NAV3: variants seen among roughly 807,000 people sequenced by gnomAD.
The protein encoded by NAV3 is neuron navigator 3.
Under a neutral mutation model 244.7 loss-of-function variants are expected in NAV3, and 87 were observed. That is an observed-to-expected ratio of 0.36 (90% CI 0.30 to 0.42). The LOEUF is 0.42. Among genes scored for constraint, NAV3 ranks in the 20% least tolerant of loss-of-function variants. The probability of loss-of-function intolerance (pLI) is 1.00; values close to 1 mark genes in which losing one functional copy is unlikely to be tolerated. For synonymous variants in NAV3, 1,126 were observed against 1,042.2 expected (o/e 1.08, Z -1.55); for missense variants, 2,663 against 2,893.3 (o/e 0.92, Z 1.83).
intron 1 of NAV3, among the ~76,000 whole-genome samples, chr12:77,850,386 G>A (rs1441983663): frequency 6.6e-6 from 1 of 152,162 alleles, no homozygotes; most frequent in Admixed American, 6.5e-5. Context: ...TTGCAGTATA[G>A]TAAATCAGCC....
intron 1 of NAV3, among the ~76,000 whole-genome samples, chr12:77,860,326 TTG>T (rs1160760684): frequency 6.7e-6 from 1 of 150,346 alleles, no homozygotes; most frequent in Non-Finnish European, 1.5e-5. Flanking sequence ...CATTTTATGT[TTG>T]TATTTTATTT....
chr12:78,075,564 C>A (rs778749875), intron 12 of NAV3, among the ~76,000 whole-genome samples: 6 of 152,040 alleles, frequency 3.9e-5, no homozygotes, highest in Non-Finnish European at 7.3e-5. Flanking sequence ...GTTATGGAGT[C>A]TTACATCCAA....
At chr12:77,820,140 A>G (rs1443559092) in intron 2 of NAV3, among the ~76,000 whole-genome samples, 1 of 152,108 alleles carries the variant, frequency 6.6e-6, no homozygotes, top group Non-Finnish European at 1.5e-5. Context: ...AGAAGCAGAT[A>G]AAAAAGGAAA....
At chr12:77,996,568 T>C (rs1872378174) in intron 6 of NAV3, among the ~76,000 whole-genome samples, 1 of 152,180 alleles carries the variant, frequency 6.6e-6, no homozygotes, top group Non-Finnish European at 1.5e-5. Flanking sequence ...TTGTTTTTTT[T>C]CCTGATATTC....
In NAV3 at chr12:77,755,647, TTCCTTCCTTCCA is replaced by T. The variant is rs1301383858; in HGVS notation, c.72+183382_72+183393del. 5.5e-4 allele frequency among the ~76,000 whole-genome samples: 74 copies of T among 133,940 alleles called. 20 individuals carry two copies. Among genetic ancestry groups the T allele is most frequent in the African/African-American group, 1.8e-3 (60 of 33,750 alleles). 87.9% of individuals were successfully genotyped at this position (133,940 alleles called of 152,430 possible). A position where few individuals can be genotyped will look rare whatever the true frequency, so the allele number is the denominator to read the frequency against. On this transcript the variant is annotated intron_variant, in intron 2 of 8. Coordinates refer to the NAV3 transcript ENST00000550042. Reference sequence around the variant, plus strand: ...CTTCCTTCCTTCCTTCCTTCCTTCCTTCCTTCCTTCCACTCTCTCTCTTTCTTTCTCTCTTTC... The same window carrying T: ...CTTCCTTCCTTCCTTCCTTCCTTCCTCTCTCTCTCTTTCTTTCTCTCTTTC...
intron 2 of NAV3, among the ~76,000 whole-genome samples, chr12:77,663,522 CTT>C (rs4017472): frequency 1.4e-4 from 20 of 139,284 alleles, no homozygotes; most frequent in Middle Eastern, 3.7e-3. Context: ...TCTTCTTCTT[CTT>C]TTTTTTTTTT....
chr12:77,883,717 T>C (rs1180062937), intron 1 of NAV3, among the ~76,000 whole-genome samples: 1 of 152,194 alleles, frequency 6.6e-6, no homozygotes, highest in Non-Finnish European at 1.5e-5. Context: ...AGTTATTTCA[T>C]GATAAAGAGA....
At chr12:77,984,229 A>G (rs1438974716) in intron 5 of NAV3, among the ~76,000 whole-genome samples, 2 of 152,198 alleles carry the variant, frequency 1.3e-5, no homozygotes. Flanking sequence ...GATTTCAAGG[A>G]ATCACAGTCC....
chr12:78,103,126 T>C (rs1566134931), intron 12 of NAV3, among the ~76,000 whole-genome samples: 5 of 152,208 alleles, frequency 3.3e-5, no homozygotes. Flanking sequence ...TGAACTTTTA[T>C]GCTGTTTCCC....
chr12:78,124,007 T>C (rs1373006611), intron 16 of NAV3, among the ~76,000 whole-genome samples: 3 of 152,230 alleles, frequency 2.0e-5, no homozygotes, highest in African/African-American at 4.8e-5. Context: ...GATTGTATGC[T>C]CATATGTAAG....
At chr12:77,994,696 G>A (rs147137918) in intron 5 of NAV3, 107 bp from the exon 6 acceptor site, 14 of 783,836 alleles carry the variant, frequency 1.8e-5, no homozygotes, top group African/African-American at 1.4e-4. Context: ...ATGTTTATAC[G>A]TGTTCCAATT....
chr12:77,614,386 A>G (rs1478926217), intron 2 of NAV3, among the ~76,000 whole-genome samples: 1 of 151,988 alleles, frequency 6.6e-6, no homozygotes, highest in Non-Finnish European at 1.5e-5. Context: ...TCACCCTTTC[A>G]ATGTGGATGT....
At chr12:77,803,084 G>A (rs10777453) in intron 2 of NAV3, among the ~76,000 whole-genome samples, 99,010 of 152,072 alleles carry the variant, frequency 0.65, 32,357 homozygotes, top group Middle Eastern at 0.72. Flanking sequence ...CCCCTTTGCT[G>A]TATTTTTAAC....
intron 24 of NAV3, among the ~76,000 whole-genome samples, chr12:78,173,859 T>C (rs910640627): frequency 1.7e-4 from 26 of 151,568 alleles, no homozygotes; most frequent in African/African-American, 6.3e-4. Context: ...GATACACATA[T>C]ACACACACAC....
At chr12:77,840,057 A>G (rs1875366398) in intron 1 of NAV3, among the ~76,000 whole-genome samples, 1 of 152,206 alleles carries the variant, frequency 6.6e-6, no homozygotes, top group Non-Finnish European at 1.5e-5. Context: ...TGGGGGATAG[A>G]GTAAGAATCT....
chr12:77,639,603 C>T (rs1324206581), intron 2 of NAV3, among the ~76,000 whole-genome samples: 1 of 152,112 alleles, frequency 6.6e-6, no homozygotes, highest in Non-Finnish European at 1.5e-5. Context: ...AATTAAGGTA[C>T]ACACATTTAT....
intron 1 of NAV3, among the ~76,000 whole-genome samples, chr12:77,892,457 C>T (rs563380365): frequency 5.9e-5 from 9 of 151,944 alleles, no homozygotes; most frequent in African/African-American, 1.2e-4. Context: ...GCTCTGTCAC[C>T]CATACTGGAG....
chr12:78,096,360 T>C (rs903787512), intron 12 of NAV3, among the ~76,000 whole-genome samples: 4 of 152,138 alleles, frequency 2.6e-5, no homozygotes, highest in Non-Finnish European at 4.4e-5. Context: ...TCCTGGGAAA[T>C]TTATTTCTCC....
At chr12:78,117,187 A>ATATATATATATATG (rs1293650998) in intron 13 of NAV3, among the ~76,000 whole-genome samples, 1 of 105,886 alleles carries the variant, frequency 9.4e-6, no homozygotes, top group Non-Finnish European at 2.0e-5. Context: ...ATATATATAT[A>ATATATATATATATG]TATATATATG....
Sources: allele counts gnomAD v4.1 joint callset (sites outside exome capture counted in the v4.1 genomes callset), GRCh38; gene constraint gnomAD v4.1.1; transcripts MANE v1.5; gene names NCBI Gene and HGNC (gene_info 2026-07-23, HGNC 2026-07-21).